BLTP3B: variants seen among roughly 807,000 people sequenced by gnomAD.
The protein encoded by BLTP3B is bridge-like lipid transfer protein family member 3B.
the BLTP3B span, chr12:100,039,886 A>G: frequency 2.7e-6 from 3 of 1,107,436 alleles, no homozygotes; most frequent in Non-Finnish European, 3.7e-6. Flanking sequence ...CTAAATATCT[A>G]TATATATTAG....
the BLTP3B span, among the ~76,000 whole-genome samples, chr12:100,096,920 T>A: frequency 6.6e-6 from 1 of 152,094 alleles, no homozygotes; most frequent in South Asian, 2.1e-4. Context: ...TCTCTACAAG[T>A]AACTTAAAAA....
chr12:100,120,793 A>AAGAGAGAG, the BLTP3B span, among the ~76,000 whole-genome samples: 134 of 149,688 alleles, frequency 9.0e-4, 1 homozygote, highest in African/African-American at 3.2e-3. Flanking sequence ...ACAATTATGT[A>AAGAGAGAG]AGAGAGAGAG....
chr12:100,067,215 C>T, the BLTP3B span, among the ~76,000 whole-genome samples: 3 of 152,022 alleles, frequency 2.0e-5, no homozygotes, highest in Non-Finnish European at 4.4e-5. Context: ...GTTCATAGTT[C>T]TAAATGCCTA....
At chr12:100,068,351 G>A in the BLTP3B span, among the ~76,000 whole-genome samples, 1 of 152,138 alleles carries the variant, frequency 6.6e-6, no homozygotes, top group Non-Finnish European at 1.5e-5. Flanking sequence ...ATCAACTCAA[G>A]ATGGATTAAG....
chr12:100,037,956 C>G, the BLTP3B span, among the ~76,000 whole-genome samples: 1 of 152,076 alleles, frequency 6.6e-6, no homozygotes. Flanking sequence ...ATGTTTTGAC[C>G]CAGCAATACA....
At chr12:100,045,835 AAAGGG>A in the BLTP3B span, among the ~76,000 whole-genome samples, 1 of 152,232 alleles carries the variant, frequency 6.6e-6, no homozygotes, top group Non-Finnish European at 1.5e-5. Context: ...CTCATCTGAC[AAAGGG>A]TTAATATCGA....
At chr12:100,069,448 A>G in the BLTP3B span, among the ~76,000 whole-genome samples, 4 of 152,206 alleles carry the variant, frequency 2.6e-5, no homozygotes, top group East Asian at 3.9e-4. Context: ...ATATACATAC[A>G]TATATGTGCG....
the BLTP3B span, among the ~76,000 whole-genome samples, chr12:100,109,386 C>T: frequency 1.3e-5 from 2 of 152,222 alleles, no homozygotes; most frequent in South Asian, 2.1e-4. Flanking sequence ...TAGTATTCAA[C>T]AGCACAACAA....
the BLTP3B span, chr12:100,098,220 C>G: frequency 2.0e-6 from 2 of 977,358 alleles, no homozygotes; most frequent in East Asian, 2.7e-5. Flanking sequence ...CCTGTCTCCC[C>G]GCACCCTCCC....
chr12:100,087,158 CA>C, the BLTP3B span, among the ~76,000 whole-genome samples: 460 of 59,820 alleles, frequency 7.7e-3, no homozygotes, highest in Non-Finnish European at 0.011. Context: ...GACTCCATCT[CA>C]AAAAAAAAAA....
At chr12:100,130,982 GGAGAGAGA>G in the BLTP3B span, among the ~76,000 whole-genome samples, 1,267 of 61,958 alleles carry the variant, frequency 0.02, 5 homozygotes, top group African/African-American at 0.045. Context: ...AGAGAGGGAG[GGAGAGAGA>G]GAGAGAGAGA....
the BLTP3B span, among the ~76,000 whole-genome samples, chr12:100,046,411 T>G: frequency 6.6e-6 from 1 of 152,138 alleles, no homozygotes; most frequent in African/African-American, 2.4e-5. Flanking sequence ...AAAGGGTGAC[T>G]TCATGTCCTT....
chr12:100,063,705 CA>C, the BLTP3B span, among the ~76,000 whole-genome samples: 29,074 of 88,756 alleles, frequency 0.33, 2,662 homozygotes, highest in Middle Eastern at 0.4. Context: ...AACTCCGTCT[CA>C]AAAAAAAAAA....
chr12:100,100,884 T>TG, the BLTP3B span, among the ~76,000 whole-genome samples: 1 of 152,050 alleles, frequency 6.6e-6, no homozygotes, highest in African/African-American at 2.4e-5. Flanking sequence ...CAGGCAAGTC[T>TG]GAAAAAATGC....
At chr12:100,052,040 TC>T in the BLTP3B span, among the ~76,000 whole-genome samples, 1 of 146,150 alleles carries the variant, frequency 6.8e-6, no homozygotes, top group Non-Finnish European at 1.5e-5. Context: ...TGAGACCCCA[TC>T]TAAAAAAAAA....
chr12:100,120,068 G>A, the BLTP3B span, among the ~76,000 whole-genome samples: 42,526 of 152,142 alleles, frequency 0.28, 8,634 homozygotes, highest in African/African-American at 0.57. Flanking sequence ...CAACTTGAAA[G>A]TAAGACAATT....
chr12:100,130,985 GAGAGA>G, the BLTP3B span, among the ~76,000 whole-genome samples: 89 of 58,008 alleles, frequency 1.5e-3, no homozygotes, highest in Middle Eastern at 0.011. Flanking sequence ...GAGGGAGGGA[GAGAGA>G]GAGAGAGAGA....
the BLTP3B span, among the ~76,000 whole-genome samples, chr12:100,117,511 G>A: frequency 6.6e-6 from 1 of 152,038 alleles, no homozygotes; most frequent in African/African-American, 2.4e-5. Context: ...CGCCCAGGCT[G>A]GAGGGCAGTG....
the BLTP3B span, chr12:100,088,785 A>G: frequency 8.6e-6 from 6 of 696,728 alleles, no homozygotes; most frequent in Admixed American, 2.0e-4. Context: ...TTTCATCTAT[A>G]TATTCATATG....
Sources: allele counts gnomAD v4.1 joint callset (sites outside exome capture counted in the v4.1 genomes callset), GRCh38; gene constraint gnomAD v4.1.1; transcripts MANE v1.5; gene names NCBI Gene and HGNC (gene_info 2026-07-23, HGNC 2026-07-21).